The following PRDM2 variants were observed in gnomAD, a reference collection of about 807,000 sequenced individuals.
The protein encoded by PRDM2 is PR/SET domain 2.
A neutral mutation model predicts 130.0 loss-of-function variants in PRDM2; 30 were observed. The observed-to-expected ratio is 0.23, with a 90% CI of 0.17 to 0.31. The LOEUF is 0.31. Among genes scored for constraint, PRDM2 ranks in the 10% least tolerant of loss-of-function variants. PRDM2 has a pLI of 1.00. For missense variants in PRDM2, 2,011 were observed against 2,108.4 expected (o/e 0.95, Z 0.90); for synonymous variants, 871 against 782.4 (o/e 1.11, Z -1.89).
chr1:13,746,143 C>G (rs886802771), intron 5 of PRDM2, among the ~76,000 whole-genome samples: 7 of 151,798 alleles, frequency 4.6e-5, no homozygotes, highest in African/African-American at 1.7e-4. Flanking sequence ...GGTTTTATAC[C>G]TGTTTGAACC....
chr1:13,722,389 C>A (rs2100439463), intron 2 of PRDM2, among the ~76,000 whole-genome samples: 1 of 152,120 alleles, frequency 6.6e-6, no homozygotes, highest in South Asian at 2.1e-4. Context: ...AGCAAGGGGA[C>A]CTAATGTGGT....
intron 8 of PRDM2, among the ~76,000 whole-genome samples, chr1:13,811,537 C>T (rs1645173378): frequency 6.6e-6 from 1 of 152,192 alleles, no homozygotes; most frequent in South Asian, 2.1e-4. Flanking sequence ...GTTTCCTCCA[C>T]CTGCAAACCA....
intron 9 of PRDM2, among the ~76,000 whole-genome samples, chr1:13,820,884 A>C (rs1645338110): frequency 6.6e-6 from 1 of 151,530 alleles, no homozygotes; most frequent in South Asian, 2.1e-4. Context: ...CAGCCACTCC[A>C]TAGCCGGCCC....
chr1:13,728,049 A>C (rs1642979560), intron 2 of PRDM2, among the ~76,000 whole-genome samples: 1 of 152,228 alleles, frequency 6.6e-6, no homozygotes, highest in Non-Finnish European at 1.5e-5. Context: ...ATCCAGAAGA[A>C]TACCTACCTC....
intron 8 of PRDM2, among the ~76,000 whole-genome samples, chr1:13,808,419 G>A (rs1194728043): frequency 7.1e-6 from 1 of 140,730 alleles, no homozygotes; most frequent in African/African-American, 2.7e-5. Flanking sequence ...AGTGGAGATC[G>A]CACCACTGCA....
In PRDM2 at chr1:13,782,461, A is replaced by G; in HGVS notation, c.4666A>G (p.Asn1556Asp). Residue 1556 changes from asparagine (N) to aspartate (D), a missense_variant, in exon 8 of 10, where the codon AAC becomes GAC. Coordinates refer to ENST00000311066, the MANE Select transcript of PRDM2 (RefSeq NM_001393986.1). ...CTCCTCATCCTTCAGGTCCAAGCAG[A>G]ACGTCAAGTTTGCAGCTTCGGTGAA... The part of the protein sequence containing the change: ...LPSSSFRSKQ[N>D]VKFAASVKSK... The G allele has an allele frequency of 6.2e-7, 1 of 1,614,014 alleles. No homozygotes were observed. Among genetic ancestry groups the G allele is most frequent in the South Asian group, 1.1e-5 (1 of 91,072 alleles).
chr1:13,740,426 GTAATAATGTAAGT>G (rs1643403448), intron 4 of PRDM2, among the ~76,000 whole-genome samples: 1 of 152,162 alleles, frequency 6.6e-6, no homozygotes, highest in Non-Finnish European at 1.5e-5. Context: ...TGCAGATGGG[GTAATAATGTAAGT>G]TACTGTGTAC....
intron 6 of PRDM2, among the ~76,000 whole-genome samples, chr1:13,757,778 CTTTT>C (rs34501705): frequency 4.7e-5 from 5 of 105,886 alleles, no homozygotes; most frequent in South Asian, 3.4e-4. Context: ...AGGTGGATAG[CTTTT>C]TTTTTTTTTT....
intron 1 of PRDM2, among the ~76,000 whole-genome samples, chr1:13,707,556 A>C: frequency 6.6e-6 from 1 of 152,216 alleles, no homozygotes; most frequent in East Asian, 1.9e-4. Context: ...ATGTAGGGAA[A>C]ATGTCAGAAA....
rs544581060 is a variant in PRDM2, at chr1:13,744,640, A to AAT, written c.384+2499_384+2500dup. On this transcript the variant is annotated intron_variant, in intron 5 of 9. Transcript: ENST00000311066. The stretch of plus-strand genomic sequence containing the variant: ...GTTTGTTGTGAAGGTTAAACAAGCC[A>AAT]ATATATATATATATATAAGGTTCTG... Among the ~76,000 whole-genome samples, 295 of 149,684 alleles carry AAT rather than the reference A, an allele frequency of 2.0e-3. 1 individual carries two copies. Among genetic ancestry groups the AAT allele is most frequent in the East Asian group, 7.0e-3 (36 of 5,134 alleles).
chr1:13,773,050 G>T, intron 6 of PRDM2, 28 bp from the exon 7 acceptor site: 2 of 1,258,630 alleles, frequency 1.6e-6, no homozygotes, highest in South Asian at 3.2e-5. Context: ...AAAAATGAAT[G>T]AATAAATTAA....
chr1:13,729,232 T>G (rs948348578), intron 2 of PRDM2, among the ~76,000 whole-genome samples: 11 of 152,206 alleles, frequency 7.2e-5, no homozygotes, highest in Non-Finnish European at 5.9e-5. Context: ...TCATTAGAAT[T>G]ACTGTGAAAG....
At chr1:13,792,467 A>T (rs558426797) in intron 8 of PRDM2, among the ~76,000 whole-genome samples, 33 of 152,192 alleles carry the variant, frequency 2.2e-4, no homozygotes, top group Non-Finnish European at 4.4e-4. Flanking sequence ...CATGGATTCA[A>T]TTTTCCTTGC....
chr1:13,823,058 A>G (rs1290778531), intron 9 of PRDM2, 101 bp from the exon 10 acceptor site: 1 of 1,178,030 alleles, frequency 8.5e-7, no homozygotes, highest in African/African-American at 1.5e-5. Flanking sequence ...GTTTCAATAA[A>G]CAGTTTAGTT....
In PRDM2 at chr1:13,806,092, A is replaced by C. The variant is rs1057362652; in HGVS notation, c.5037-10335A>C. 1.3e-5 allele frequency among the ~76,000 whole-genome samples: 2 copies of C among 152,100 alleles called. No individual in the cohort carries two copies. Among genetic ancestry groups the C allele is most frequent in the African/African-American group, 4.8e-5 (2 of 41,422 alleles). ...GTTATCAGCAGCCCCCAGGATGCTC[A>C]ATGCAGTGGTTGGTTTCCAGTCCCA... is the stretch of plus-strand genomic sequence containing the variant. On this transcript the variant is annotated intron_variant, in intron 8 of 9. Transcript: ENST00000311066. The surrounding 1 kb of genome is among the most constrained non-coding windows in gnomAD (Gnocchi z 4.1).
At position 13,816,478 on chromosome 1, in the gene PRDM2, C is replaced by G. The variant is rs761999732; in HGVS notation, c.5088C>G (p.Ile1696Met). Residue 1696 changes from isoleucine to methionine, a missense_variant, in exon 9 of 10, where the codon ATC becomes ATG. Ile to Met is a conservative substitution (Grantham distance 10). Coordinates refer to ENST00000311066, the MANE Select transcript of PRDM2 (RefSeq NM_001393986.1). ...GCTCTCCACCAGCGGCCCCGTACAT[C>G]ACCAGGCAGTATAGGAAGGTCAAAG... ...SRCSPPAAPYITRQYRKVKAP... is the reference protein window; with the variant it reads ...SRCSPPAAPYMTRQYRKVKAP... 4.3e-6 allele frequency: 7 copies of G among 1,614,198 alleles called. No individual in the cohort carries two copies. Among genetic ancestry groups the G allele is most frequent in the Middle Eastern group, 3.3e-4 (2 of 6,062 alleles).
chr1:13,723,893 C>T (rs780756588), intron 2 of PRDM2, among the ~76,000 whole-genome samples: 2 of 152,164 alleles, frequency 1.3e-5, no homozygotes, highest in African/African-American at 2.4e-5. Flanking sequence ...TGTATCGAGG[C>T]GAGTAAGCAC....
intron 5 of PRDM2, among the ~76,000 whole-genome samples, chr1:13,748,722 G>T (rs1008666849): frequency 6.6e-6 from 1 of 152,186 alleles, no homozygotes; most frequent in African/African-American, 2.4e-5. Context: ...CATAATACAT[G>T]GGAGATACTT....
chr1:13,706,096 C>T (rs1354265455), intron 1 of PRDM2, among the ~76,000 whole-genome samples: 2 of 152,050 alleles, frequency 1.3e-5, no homozygotes, highest in African/African-American at 4.8e-5. Flanking sequence ...TGCAGTCACT[C>T]ACATTCCAAT....
Sources: allele counts gnomAD v4.1 joint callset (sites outside exome capture counted in the v4.1 genomes callset), GRCh38; gene constraint gnomAD v4.1.1; non-coding constraint Gnocchi (gnomAD v3.1); transcripts MANE v1.5; gene names NCBI Gene and HGNC (gene_info 2026-07-23, HGNC 2026-07-21).